RILPL1: variants seen among roughly 807,000 people sequenced by gnomAD.
The protein encoded by RILPL1 is Rab interacting lysosomal protein like 1, also known as RILP-like protein 1.
In RILPL1, 33 loss-of-function variants were observed where a neutral mutation model predicts 50.3. That is an observed-to-expected ratio of 0.66 (90% CI 0.50 to 0.88). The LOEUF (loss-of-function observed/expected upper bound fraction) is 0.88, where lower values mean the gene tolerates loss of function less well. Among genes scored for constraint, RILPL1 ranks in the 40% least tolerant of loss-of-function variants. The probability of loss-of-function intolerance (pLI) is 0.00; values close to 1 mark genes in which losing one functional copy is unlikely to be tolerated. For missense variants in RILPL1, 418 were observed against 542.5 expected (o/e 0.77, Z 2.28); for synonymous variants, 205 against 228.6 (o/e 0.90, Z 0.93).
chr12:123,526,450 C>A (rs1327031580), intron 1 of RILPL1, among the ~76,000 whole-genome samples: 1 of 152,170 alleles, frequency 6.6e-6, no homozygotes, highest in Non-Finnish European at 1.5e-5. Context: ...CCTTCTGGTG[C>A]CCCACAAATG....
chr12:123,495,663 C>T (rs1251547331), intron 4 of RILPL1, among the ~76,000 whole-genome samples: 5 of 143,688 alleles, frequency 3.5e-5, no homozygotes, highest in Admixed American at 1.4e-4. Flanking sequence ...CGTGAGCCAC[C>T]GCACCTGGCC....
rs182013112 is a variant in RILPL1 at position 123,471,090 on chromosome 12, A to G, written c.*1448T>C. On this transcript the variant is annotated 3_prime_UTR_variant, in exon 7 of 7. Coordinates refer to ENST00000376874, the MANE Select transcript of RILPL1 (RefSeq NM_178314.5). ...TTTCTTTCTTTTTTTTTTTTTTTTT[A>G]GATGAAGTCTCACTCTGTCGCCCAG... 175 of 120,932 alleles carry G rather than the reference A, an allele frequency of 1.4e-3. No homozygotes were observed. Among genetic ancestry groups the G allele is most frequent in the African/African-American group, 5.5e-3 (163 of 29,730 alleles). 7.5% of individuals were successfully genotyped at this position (120,932 alleles called of 1,614,324 possible).
chr12:123,486,220 T>C (rs1882324447), intron 4 of RILPL1, among the ~76,000 whole-genome samples: 1 of 152,226 alleles, frequency 6.6e-6, no homozygotes, highest in South Asian at 2.1e-4. Context: ...AATCTCAGCC[T>C]ACACACAATT....
chr12:123,500,082 C>G (rs1228080224), intron 2 of RILPL1, among the ~76,000 whole-genome samples: 1 of 152,020 alleles, frequency 6.6e-6, no homozygotes, highest in South Asian at 2.1e-4. Flanking sequence ...CAGGGCCCAC[C>G]ACCACGCCCG....
chr12:123,478,020 A>C (rs1241536131), intron 6 of RILPL1, among the ~76,000 whole-genome samples: 2 of 111,158 alleles, frequency 1.8e-5, no homozygotes, highest in Admixed American at 1.2e-4. Flanking sequence ...TTTTTCAGAG[A>C]CAGGTCTCGC....
chr12:123,496,474 C>A (rs539450923), intron 4 of RILPL1, among the ~76,000 whole-genome samples: 5 of 152,314 alleles, frequency 3.3e-5, no homozygotes, highest in Middle Eastern at 3.4e-3. Flanking sequence ...TGTCCTACCT[C>A]CCCTACCTGT....
Position 123,533,584 on chromosome 12 carries a change from G to T in RILPL1, c.-102C>A. 9.6e-7 allele frequency: 1 copy of T among 1,041,184 alleles called. No individual in the cohort carries two copies. Among genetic ancestry groups the T allele is most frequent in the Non-Finnish European group, 1.2e-6 (1 of 822,572 alleles). The allele number at this position is 1,041,184 out of a possible 1,614,324, so 64.5% of individuals were successfully genotyped here. On this transcript the variant is annotated 5_prime_UTR_variant, in exon 1 of 7. Coordinates refer to ENST00000376874, the MANE Select transcript of RILPL1 (RefSeq NM_178314.5). This position sits in a 1 kb window ranked among gnomAD's most constrained non-coding sequence, Gnocchi z 6.2. ...GCCGGGCCCAGCCTGGGCCGCGGGC[G>T]GGCGCGCTCAGCGGGCGCTGGGGCG...
chr12:123,515,772 C>T (rs552208187), intron 2 of RILPL1, among the ~76,000 whole-genome samples: 2 of 150,714 alleles, frequency 1.3e-5, no homozygotes, highest in African/African-American at 4.9e-5. Context: ...TGGTGGCTCA[C>T]GCCTGTAATC....
rs1593559047 is a variant in RILPL1, at chr12:123,498,145, T to A, written c.801+399A>T. ...ATGGGAGAATGCTGGGAGTCTGGGG[T>A]TCCAACCCCTCAGCTGTGTGTCCTC... is the stretch of plus-strand genomic sequence containing the variant. On this transcript the variant is annotated intron_variant, in intron 4 of 6. Transcript: ENST00000376874. This position sits in a 1 kb window ranked among gnomAD's most constrained non-coding sequence, Gnocchi z 4.3. Among the ~76,000 whole-genome samples, 1 of 152,070 alleles carries A rather than the reference T, an allele frequency of 6.6e-6. No individual in the cohort carries two copies. The highest frequency in any genetic ancestry group is 2.4e-5 in the African/African-American group (1 of 41,396).
At chr12:123,532,870 A>G (rs1457907206) in intron 1 of RILPL1, among the ~76,000 whole-genome samples, 3 of 152,118 alleles carry the variant, frequency 2.0e-5, no homozygotes, top group Non-Finnish European at 2.9e-5. Context: ...TATGATTACC[A>G]TTTGACAGGT....
chr12:123,512,545 TGTG>T (rs1417441938), intron 2 of RILPL1, among the ~76,000 whole-genome samples: 2 of 140,168 alleles, frequency 1.4e-5, no homozygotes, highest in Non-Finnish European at 3.1e-5. Context: ...GTGGTCTGTG[TGTG>T]GTGTGTGTGT....
At chr12:123,477,092 T>C (rs531138323) in intron 6 of RILPL1, among the ~76,000 whole-genome samples, 12 of 152,308 alleles carry the variant, frequency 7.9e-5, no homozygotes, top group Admixed American at 6.5e-4. Context: ...GATATTCTGG[T>C]CTAAGCCCAC....
At chr12:123,525,817 G>A (rs904305188) in intron 1 of RILPL1, among the ~76,000 whole-genome samples, 1 of 151,880 alleles carries the variant, frequency 6.6e-6, no homozygotes, top group Middle Eastern at 3.4e-3. Context: ...AGTGCTGGGA[G>A]TACAGGCGTG....
At chr12:123,499,597 C>T in intron 2 of RILPL1, 61 bp from the exon 3 acceptor site, 2 of 1,279,942 alleles carry the variant, frequency 1.6e-6, no homozygotes, top group Non-Finnish European at 2.3e-6. Flanking sequence ...AAATCATCCA[C>T]CACTTCTGCT....
intron 6 of RILPL1, among the ~76,000 whole-genome samples, chr12:123,477,798 C>T (rs1250818403): frequency 6.6e-6 from 1 of 151,968 alleles, no homozygotes; most frequent in Non-Finnish European, 1.5e-5. Flanking sequence ...GCCAGGACAC[C>T]CAAAGAGGGT....
At chr12:123,476,059 C>T in intron 6 of RILPL1, 2 of 264,952 alleles carry the variant, frequency 7.5e-6, no homozygotes, top group Non-Finnish European at 1.5e-5. Context: ...CGTTTGCCAC[C>T]ACGCCTGGCT....
chr12:123,518,511 A>G (rs1259620036), intron 2 of RILPL1: 1 of 226,548 alleles, frequency 4.4e-6, no homozygotes, highest in Non-Finnish European at 9.2e-6. Context: ...AAAAAAAAAA[A>G]AAAAGGGAGA....
At chr12:123,528,216 T>C (rs28711456) in intron 1 of RILPL1, among the ~76,000 whole-genome samples, 110,788 of 151,638 alleles carry the variant, frequency 0.73, 42,555 homozygotes, top group East Asian at 0.91. Flanking sequence ...AAAATTAAGC[T>C]GGGTGTGGTG....
chr12:123,526,927 G>A (rs1366780809), intron 1 of RILPL1, among the ~76,000 whole-genome samples: 1 of 152,174 alleles, frequency 6.6e-6, no homozygotes, highest in Non-Finnish European at 1.5e-5. Context: ...TATCAGTCAA[G>A]TGTAACTGGC....
Sources: allele counts gnomAD v4.1 joint callset (sites outside exome capture counted in the v4.1 genomes callset), GRCh38; gene constraint gnomAD v4.1.1; non-coding constraint Gnocchi (gnomAD v3.1); transcripts MANE v1.5; gene names NCBI Gene and HGNC (gene_info 2026-07-23, HGNC 2026-07-21).